CFAP95: variants seen among roughly 807,000 people sequenced by gnomAD.
CFAP95 encodes the protein cilia and flagella associated protein 95.
the CFAP95 span, among the ~76,000 whole-genome samples, chr9:69,826,505 A>T: frequency 6.6e-6 from 1 of 152,208 alleles, no homozygotes; most frequent in Non-Finnish European, 1.5e-5. Context: ...AAAGAAAAAA[A>T]AGTAAGGACC....
chr9:69,850,080 G>A, the CFAP95 span, among the ~76,000 whole-genome samples: 4 of 152,146 alleles, frequency 2.6e-5, no homozygotes, highest in Admixed American at 2.6e-4. Flanking sequence ...ATGTGAGGCT[G>A]ATACTAAAGT....
At chr9:69,888,572 G>C in the CFAP95 span, among the ~76,000 whole-genome samples, 1 of 152,134 alleles carries the variant, frequency 6.6e-6, no homozygotes, top group African/African-American at 2.4e-5. Context: ...AATTGTCAAT[G>C]TTTTCAAAAC....
chr9:69,849,856 T>G, the CFAP95 span, among the ~76,000 whole-genome samples: 1 of 152,220 alleles, frequency 6.6e-6, no homozygotes, highest in African/African-American at 2.4e-5. Context: ...GATTGTCTTA[T>G]TCTAAGCTTA....
chr9:69,849,475 G>A, the CFAP95 span, among the ~76,000 whole-genome samples: 15 of 152,260 alleles, frequency 9.9e-5, no homozygotes, highest in East Asian at 2.1e-3. Context: ...GTGCTAGGGT[G>A]AGAAACATAA....
At chr9:69,834,223 C>G in the CFAP95 span, among the ~76,000 whole-genome samples, 1 of 152,136 alleles carries the variant, frequency 6.6e-6, no homozygotes, top group African/African-American at 2.4e-5. Flanking sequence ...CTCTTTAGCC[C>G]TACTTTTCCA....
chr9:69,825,181 C>T, the CFAP95 span, among the ~76,000 whole-genome samples: 1 of 152,106 alleles, frequency 6.6e-6, no homozygotes, highest in African/African-American at 2.4e-5. Flanking sequence ...TTGATGAACA[C>T]TTAATATCTA....
At chr9:69,833,021 T>C in the CFAP95 span, among the ~76,000 whole-genome samples, 1 of 152,240 alleles carries the variant, frequency 6.6e-6, no homozygotes, top group African/African-American at 2.4e-5. Flanking sequence ...TTTATTAAGA[T>C]GTAATTCACA....
chr9:69,866,498 T>C, the CFAP95 span, among the ~76,000 whole-genome samples: 1 of 152,114 alleles, frequency 6.6e-6, no homozygotes, highest in Non-Finnish European at 1.5e-5. Flanking sequence ...CAAGAGAAAA[T>C]GGATGTCCTA....
the CFAP95 span, among the ~76,000 whole-genome samples, chr9:69,862,815 A>G: frequency 6.6e-6 from 1 of 152,280 alleles, no homozygotes; most frequent in Non-Finnish European, 1.5e-5. Context: ...CCTGTATCCC[A>G]CTGACTTTAT....
the CFAP95 span, among the ~76,000 whole-genome samples, chr9:69,837,871 C>T: frequency 1.2e-4 from 18 of 152,262 alleles, no homozygotes; most frequent in East Asian, 1.5e-3. Flanking sequence ...TTAGGTCTAA[C>T]GTTTAAGTCT....
the CFAP95 span, among the ~76,000 whole-genome samples, chr9:69,870,915 G>T: frequency 2.0e-5 from 3 of 152,156 alleles, no homozygotes; most frequent in South Asian, 6.2e-4. Context: ...AGAGGATGAA[G>T]GATGTACAAA....
the CFAP95 span, among the ~76,000 whole-genome samples, chr9:69,879,958 T>C: frequency 8.5e-5 from 13 of 152,298 alleles, no homozygotes; most frequent in East Asian, 2.1e-3. Flanking sequence ...TATATACTTT[T>C]ATATATTTTT....
the CFAP95 span, among the ~76,000 whole-genome samples, chr9:69,874,862 A>T: frequency 1.3e-5 from 2 of 152,170 alleles, no homozygotes; most frequent in South Asian, 4.1e-4. Context: ...CCAGATAATG[A>T]CTTAAATCAC....
chr9:69,903,295 A>G, the CFAP95 span, among the ~76,000 whole-genome samples: 1 of 152,336 alleles, frequency 6.6e-6, no homozygotes, highest in East Asian at 1.9e-4. Flanking sequence ...GTTTGGACCA[A>G]TTTAAGTCAA....
At chr9:69,840,742 T>G in the CFAP95 span, among the ~76,000 whole-genome samples, 1 of 152,240 alleles carries the variant, frequency 6.6e-6, no homozygotes, top group Non-Finnish European at 1.5e-5. Flanking sequence ...TTTTTAAACA[T>G]GTATATTTCT....
At chr9:69,896,753 T>C in the CFAP95 span, among the ~76,000 whole-genome samples, 1 of 152,140 alleles carries the variant, frequency 6.6e-6, no homozygotes, top group Non-Finnish European at 1.5e-5. Flanking sequence ...CCAGGTGCGG[T>C]GGCTCACACC....
the CFAP95 span, among the ~76,000 whole-genome samples, chr9:69,844,877 G>C: frequency 2.0e-5 from 3 of 152,334 alleles, no homozygotes; most frequent in East Asian, 1.9e-4. Flanking sequence ...AAAGTGCCTA[G>C]GAAATTGTTC....
chr9:69,860,856 G>A, the CFAP95 span, among the ~76,000 whole-genome samples: 1 of 152,080 alleles, frequency 6.6e-6, no homozygotes. Flanking sequence ...TTGAGCTTCT[G>A]ATAGGCCTTC....
At chr9:69,837,487 A>G in the CFAP95 span, among the ~76,000 whole-genome samples, 5 of 152,226 alleles carry the variant, frequency 3.3e-5, no homozygotes, top group South Asian at 1.0e-3. Context: ...GCCAGTGATG[A>G]TGAGCATTTT....
Sources: gnomAD v4.1 joint callset for allele counts (sites outside exome capture counted in the v4.1 genomes callset) on GRCh38, gnomAD v4.1.1 for gene constraint, MANE v1.5 for transcripts, NCBI Gene and HGNC (gene_info 2026-07-23, HGNC 2026-07-21) for gene names.